TTC3: variants seen among roughly 807,000 people sequenced by gnomAD.
TTC3 encodes tetratricopeptide repeat domain 3.
A neutral mutation model predicts 249.6 loss-of-function variants in TTC3; 180 were observed. The observed-to-expected ratio is 0.72, with a 90% CI of 0.64 to 0.82. TTC3 has a LOEUF of 0.82. TTC3 is among the 40% of genes least tolerant of loss of function. The pLI is 0.00. For missense variants in TTC3, 2,061 were observed against 2,398.4 expected (o/e 0.86, Z 2.94); for synonymous variants, 717 against 805.0 (o/e 0.89, Z 1.85).
chr21:37,175,037 C>CCT (rs1266053656), intron 35 of TTC3, among the ~76,000 whole-genome samples: 2 of 148,660 alleles, frequency 1.3e-5, no homozygotes, highest in East Asian at 2.0e-4. Flanking sequence ...GGGTGGATCA[C>CCT]GAGGTCAGGA....
chr21:37,180,085 T>C (rs1309766323), intron 35 of TTC3, among the ~76,000 whole-genome samples: 1 of 152,228 alleles, frequency 6.6e-6, no homozygotes, highest in East Asian at 1.9e-4. Context: ...TGTGCTGGTC[T>C]TGTGGGGCGT....
intron 35 of TTC3, among the ~76,000 whole-genome samples, chr21:37,181,881 G>A (rs549197241): frequency 3.3e-5 from 5 of 152,100 alleles, no homozygotes; most frequent in Admixed American, 6.5e-5. Context: ...AATGACCTAC[G>A]TGTGCTCTAA....
chr21:37,104,282 G>A (rs1330332481), intron 10 of TTC3, among the ~76,000 whole-genome samples: 5 of 152,072 alleles, frequency 3.3e-5, no homozygotes, highest in East Asian at 1.9e-4. Flanking sequence ...CTTCACTCTC[G>A]GACACTGAAT....
rs183146555 is a variant in TTC3, at chr21:37,132,330, T to A, written c.1359-352T>A. 5.1e-3 allele frequency among the ~76,000 whole-genome samples: 643 copies of A among 126,364 alleles called. 13 individuals are homozygous for A. Among genetic ancestry groups the A allele is most frequent in the African/African-American group, 0.021 (623 of 29,056 alleles). 82.9% of individuals were successfully genotyped at this position (126,364 alleles called of 152,430 possible). On this transcript the variant is annotated intron_variant, in intron 16 of 45. Transcript: ENST00000355666. Reference sequence around the variant, plus strand: ...GCGAACTAATATTCAGATTCTATTTTTTTTCTTTTTTTTTTTTTTAGATGG... The same window carrying A: ...GCGAACTAATATTCAGATTCTATTTATTTTCTTTTTTTTTTTTTTAGATGG...
chr21:37,126,041 GTTTT>G, intron 14 of TTC3, 35 bp from the exon 15 acceptor site: 2 of 1,261,968 alleles, frequency 1.6e-6, no homozygotes, highest in Non-Finnish European at 2.1e-6. Flanking sequence ...TGGCTGGGTT[GTTTT>G]TTTTTTTTTT....
At chr21:37,188,250 T>C (rs2083531590) in intron 38 of TTC3, 2 of 378,494 alleles carry the variant, frequency 5.3e-6, no homozygotes, top group African/African-American at 2.1e-5. Context: ...CAGAAAGCCA[T>C]GTACAGTTAT....
intron 42 of TTC3, among the ~76,000 whole-genome samples, chr21:37,197,204 C>G (rs560046823): frequency 6.6e-6 from 1 of 152,090 alleles, no homozygotes; most frequent in East Asian, 1.9e-4. Context: ...TGGCTCACGC[C>G]AGGCCGAGGC....
chr21:37,078,285 G>C (rs1355405390), intron 1 of TTC3, among the ~76,000 whole-genome samples: 1 of 152,144 alleles, frequency 6.6e-6, no homozygotes, highest in East Asian at 1.9e-4. Context: ...GGGAGGACTT[G>C]AATCTCACCT....
chr21:37,112,297 G>C (rs2075743495), intron 11 of TTC3, among the ~76,000 whole-genome samples: 1 of 152,178 alleles, frequency 6.6e-6, no homozygotes, highest in Admixed American at 6.5e-5. Context: ...TAGACCGCTA[G>C]CAAGACTAAT....
intron 10 of TTC3, chr21:37,100,750 T>C (rs2074405096): frequency 6.6e-6 from 1 of 152,262 alleles, no homozygotes; most frequent in Admixed American, 6.5e-5. Context: ...AATCTTCACA[T>C]TGAGGATTGT....
In TTC3 at chr21:37,087,785, C is replaced by G. The variant is rs186739278; in HGVS notation, c.145-48C>G. The G allele has an allele frequency of 2.9e-4, 413 of 1,422,804 alleles. 1 individual carries two copies. The African/African-American group carries it at 5.5e-3, about 19-fold the overall frequency. The allele number at this position is 1,422,804 out of a possible 1,614,324, so 88.1% of individuals were successfully genotyped here. On this transcript the variant is annotated intron_variant, in intron 2 of 45. Coordinates refer to ENST00000355666, the Ensembl canonical transcript of TTC3. ...TTCTGATAATCCTTAGATTAAAAATCAAGAACATTTTACTAGACACAAATC... is the reference window on the plus strand; with the variant it reads ...TTCTGATAATCCTTAGATTAAAAATGAAGAACATTTTACTAGACACAAATC...
At chr21:37,179,085 G>A (rs925562357) in intron 35 of TTC3, among the ~76,000 whole-genome samples, 2 of 152,112 alleles carry the variant, frequency 1.3e-5, no homozygotes, top group Non-Finnish European at 2.9e-5. Context: ...CAGCCAGGGC[G>A]ATGTGATGAG....
intron 10 of TTC3, among the ~76,000 whole-genome samples, chr21:37,099,458 A>T (rs1027326224): frequency 2.0e-5 from 3 of 152,234 alleles, no homozygotes; most frequent in Admixed American, 2.0e-4. Flanking sequence ...TAGAGTCTCT[A>T]CTATTAATCA....
At chr21:37,197,983 C>T (rs1252244358) in exon 44 of TTC3, 5 of 1,613,748 alleles carry the variant, frequency 3.1e-6, no homozygotes, top group Non-Finnish European at 4.2e-6. Flanking sequence ...CACCATCACC[C>T]AAAACCAAGG....
At chr21:37,109,376 T>G (rs1235805326) in intron 11 of TTC3, among the ~76,000 whole-genome samples, 1 of 152,166 alleles carries the variant, frequency 6.6e-6, no homozygotes, top group Non-Finnish European at 1.5e-5. Flanking sequence ...TACTGCGCTT[T>G]TCCAATGGGC....
At chr21:37,156,750 G>T in exon 28 of TTC3, 1 of 1,613,974 alleles carries the variant, frequency 6.2e-7, no homozygotes, top group Admixed American at 1.7e-5. Flanking sequence ...TGAGAAATAT[G>T]GTCACAAACT....
rs765379535 is a variant in TTC3, at chr21:37,140,551, G to C, written c.1660-10G>C. On this transcript the variant is annotated splice_polypyrimidine_tract_variant and intron_variant, in intron 19 of 45. Coordinates refer to ENST00000355666, the Ensembl canonical transcript of TTC3. ...TATGTAAGTGATCATTGTTTTCACT[G>C]CTATTCAAGGAATTATCTGAAGCCG... 6.5e-7 allele frequency: 1 copy of C among 1,529,570 alleles called. No homozygotes were observed. The highest frequency in any genetic ancestry group is 8.8e-7 in the Non-Finnish European group (1 of 1,134,902). The allele number at this position is 1,529,570 out of a possible 1,614,324, so 94.7% of individuals were successfully genotyped here.
intron 23 of TTC3, among the ~76,000 whole-genome samples, chr21:37,149,082 A>G (rs993633618): frequency 4.6e-5 from 7 of 152,168 alleles, no homozygotes; most frequent in Non-Finnish European, 1.0e-4. Flanking sequence ...CAATTTTTTT[A>G]ATGTTGGGAA....
chr21:37,192,925 G>A (rs2148215477), intron 41 of TTC3, among the ~76,000 whole-genome samples: 1 of 152,308 alleles, frequency 6.6e-6, no homozygotes, highest in Non-Finnish European at 1.5e-5. Flanking sequence ...TAGATGCTTA[G>A]TAAATACTAA....
Sources: gnomAD v4.1 joint callset for allele counts (sites outside exome capture counted in the v4.1 genomes callset) on GRCh38, gnomAD v4.1.1 for gene constraint, MANE v1.5 for transcripts, NCBI Gene and HGNC (gene_info 2026-07-23, HGNC 2026-07-21) for gene names.